ETV1: variants seen among roughly 807,000 people sequenced by gnomAD.
The protein encoded by ETV1 is ETS translocation variant 1.
ETV1 carries 27 observed loss-of-function variants against 62.3 expected under a neutral mutation model. That is an observed-to-expected ratio of 0.43 (90% CI 0.32 to 0.60). The LOEUF (loss-of-function observed/expected upper bound fraction) is 0.60, where lower values mean the gene tolerates loss of function less well. Among genes scored for constraint, ETV1 ranks in the 20% least tolerant of loss-of-function variants. The pLI, the probability that ETV1 is intolerant of heterozygous loss-of-function variation, is 0.06. For synonymous variants in ETV1, 222 were observed against 199.6 expected (o/e 1.11, Z -0.94); for missense variants, 605 against 605.8 (o/e 1.00, Z 0.01).
At chr7:13,954,980 G>C (rs1160813767) in intron 6 of ETV1, among the ~76,000 whole-genome samples, 3 of 152,120 alleles carry the variant, frequency 2.0e-5, no homozygotes, top group Admixed American at 6.6e-5. Flanking sequence ...CAAAGATAGA[G>C]TAATTACAAA....
At chr7:13,897,135 C>G (rs1409700409) in intron 13 of ETV1, among the ~76,000 whole-genome samples, 2 of 150,872 alleles carry the variant, frequency 1.3e-5, no homozygotes, top group African/African-American at 2.4e-5. Flanking sequence ...TGCTGAGATG[C>G]TCTCAAAACC....
intron 9 of ETV1, among the ~76,000 whole-genome samples, chr7:13,925,280 T>C (rs540921744): frequency 4.6e-5 from 7 of 152,276 alleles, no homozygotes; most frequent in Middle Eastern, 6.8e-3. Context: ...CTTATTAATG[T>C]ACATTACTCC....
intron 8 of ETV1, among the ~76,000 whole-genome samples, chr7:13,935,469 A>C (rs1227156110): frequency 6.6e-6 from 1 of 152,234 alleles, no homozygotes; most frequent in Non-Finnish European, 1.5e-5. Context: ...ATGTCAGTAG[A>C]TAGATTAATT....
intron 6 of ETV1, among the ~76,000 whole-genome samples, chr7:13,969,384 A>T (rs1464777899): frequency 6.6e-6 from 1 of 152,192 alleles, no homozygotes; most frequent in Non-Finnish European, 1.5e-5. Context: ...ATGACAATAT[A>T]TTACTTAAAT....
chr7:13,936,767 G>A (rs142805864), intron 7 of ETV1, among the ~76,000 whole-genome samples: 108 of 152,200 alleles, frequency 7.1e-4, no homozygotes, highest in African/African-American at 2.5e-3. Context: ...TTTGCTGGGC[G>A]CAGTGGCTCA....
At chr7:13,917,755 G>C (rs1040869331) in intron 9 of ETV1, among the ~76,000 whole-genome samples, 15 of 152,036 alleles carry the variant, frequency 9.9e-5, no homozygotes, top group Admixed American at 2.0e-4. Context: ...ATGAGGTCAG[G>C]AGATCGAGAC....
In ETV1 at chr7:13,989,366, T is replaced by A; in HGVS notation, c.-186A>T. On this transcript the variant is annotated 5_prime_UTR_variant, in exon 2 of 14. Transcript: ENST00000430479. ...GATGTATTTATTTACACTCTCGATG[T>A]TTCCCTGCGCGGTCGGTGTACCCCG... 2.1e-6 allele frequency: 1 copy of A among 487,756 alleles called. No individual in the cohort carries two copies. The highest frequency in any genetic ancestry group is 3.6e-6 in the Non-Finnish European group (1 of 278,932). 30.2% of individuals were successfully genotyped at this position (487,756 alleles called of 1,614,324 possible).
At chr7:13,955,795 A>C (rs973783967) in intron 6 of ETV1, among the ~76,000 whole-genome samples, 2 of 152,222 alleles carry the variant, frequency 1.3e-5, no homozygotes, top group African/African-American at 4.8e-5. Context: ...GAATTATATT[A>C]GCATATTATG....
At chr7:13,954,089 T>C (rs971100005) in intron 6 of ETV1, among the ~76,000 whole-genome samples, 2 of 152,212 alleles carry the variant, frequency 1.3e-5, no homozygotes, top group African/African-American at 2.4e-5. Context: ...ATGCCTGTCA[T>C]GGCTTTGAAA....
chr7:13,986,246 T>C, intron 5 of ETV1: 1 of 1,540,280 alleles, frequency 6.5e-7, no homozygotes, highest in Non-Finnish European at 8.7e-7. Context: ...CACCAAATAA[T>C]GATATGCGCT....
At chr7:13,982,857 AT>A (rs895099444) in intron 5 of ETV1, among the ~76,000 whole-genome samples, 9 of 152,170 alleles carry the variant, frequency 5.9e-5, no homozygotes, top group Admixed American at 4.6e-4. Context: ...AAATGAGTGT[AT>A]TATGACTACT....
intron 7 of ETV1, among the ~76,000 whole-genome samples, chr7:13,937,854 T>C (rs1786993393): frequency 6.6e-6 from 1 of 152,222 alleles, no homozygotes; most frequent in Non-Finnish European, 1.5e-5. Context: ...GGTGAACCTC[T>C]TAGAAAAGCA....
At chr7:13,988,609 A>AAT in intron 3 of ETV1, 1 of 1,243,640 alleles carries the variant, frequency 8.0e-7, no homozygotes, top group Non-Finnish European at 1.0e-6. Context: ...AAAAAAAAAA[A>AAT]GAGAAAATGA....
chr7:13,954,991 G>C (rs571050248), intron 6 of ETV1, among the ~76,000 whole-genome samples: 1 of 152,214 alleles, frequency 6.6e-6, no homozygotes, highest in South Asian at 2.1e-4. Flanking sequence ...TAATTACAAA[G>C]GAAACTTCAC....
intron 13 of ETV1, among the ~76,000 whole-genome samples, chr7:13,899,001 A>C (rs1447627281): frequency 1.3e-5 from 2 of 152,210 alleles, no homozygotes; most frequent in East Asian, 3.9e-4. Context: ...TAATAATCAC[A>C]GCAACTTTAA....
At chr7:13,901,537 T>A (rs1317086102) in intron 12 of ETV1, among the ~76,000 whole-genome samples, 1 of 152,208 alleles carries the variant, frequency 6.6e-6, no homozygotes, top group African/African-American at 2.4e-5. Flanking sequence ...AGCAGCTTAG[T>A]GATCTCCTTG....
chr7:13,915,683 CAT>C (rs1784076365), intron 9 of ETV1, among the ~76,000 whole-genome samples: 1 of 152,132 alleles, frequency 6.6e-6, no homozygotes, highest in African/African-American at 2.4e-5. Context: ...CCAATTGTCA[CAT>C]GTCAAATTGA....
intron 6 of ETV1, among the ~76,000 whole-genome samples, chr7:13,945,772 CCAGTTCATTGGCA>C (rs774320201): frequency 1.3e-5 from 2 of 152,146 alleles, no homozygotes; most frequent in African/African-American, 2.4e-5. Flanking sequence ...AGGCGGTTTT[CCAGTTCATTGGCA>C]CAGGCACAAG....
chr7:13,952,541 A>G (rs1451212726), intron 6 of ETV1, among the ~76,000 whole-genome samples: 1 of 152,156 alleles, frequency 6.6e-6, no homozygotes, highest in African/African-American at 2.4e-5. Flanking sequence ...TGTAAGTACT[A>G]TATTTAAGAA....
Sources: gnomAD v4.1 joint callset for allele counts (sites outside exome capture counted in the v4.1 genomes callset) on GRCh38, gnomAD v4.1.1 for gene constraint, MANE v1.5 for transcripts, NCBI Gene and HGNC (gene_info 2026-07-23, HGNC 2026-07-21) for gene names.